MPZL3: variants seen among roughly 807,000 people sequenced by gnomAD.
The protein encoded by MPZL3 is myelin protein zero like 3.
MPZL3 carries 23 observed loss-of-function variants against 24.8 expected under a neutral mutation model. The observed-to-expected ratio is 0.93, with a 90% CI of 0.67 to 1.31. The LOEUF (loss-of-function observed/expected upper bound fraction) is 1.31. MPZL3 is among the 40% of genes most tolerant of loss of function. MPZL3 has a pLI of 0.00. For synonymous variants in MPZL3, 99 were observed against 106.5 expected (o/e 0.93, Z 0.44); for missense variants, 277 against 294.9 (o/e 0.94, Z 0.44).
intron 1 of MPZL3, among the ~76,000 whole-genome samples, chr11:118,251,971 T>C (rs1412134292): frequency 6.6e-6 from 1 of 152,174 alleles, no homozygotes; most frequent in Non-Finnish European, 1.5e-5. Flanking sequence ...CCATCAAGTA[T>C]GCTATCACCA....
At position 118,233,469 on chromosome 11, in the gene MPZL3, A is replaced by G; in HGVS notation, c.672T>C (p.Ala224=). 1.2e-6 allele frequency: 2 copies of G among 1,613,932 alleles called. No homozygotes were observed. Among genetic ancestry groups the G allele is most frequent in the South Asian group, 1.1e-5 (1 of 91,086 alleles). The change falls in exon 5 of 6, where the codon GCT becomes GCC. Residue 224 remains alanine, a synonymous_variant. Coordinates refer to ENST00000278949, the MANE Select transcript of MPZL3 (RefSeq NM_198275.3). ...AATGGCATGCACTTACCAGGCACTC[A>G]GCGCAACGGACACAAAGCCTCGCCA... ...ACMARLCVRC[A]ECLDSDYEET...
intron 1 of MPZL3, among the ~76,000 whole-genome samples, chr11:118,249,593 A>T (rs570240409): frequency 6.6e-6 from 1 of 152,240 alleles, no homozygotes; most frequent in South Asian, 2.1e-4. Flanking sequence ...ACATTTTCAC[A>T]TAAGTAATTT....
intron 5 of MPZL3, among the ~76,000 whole-genome samples, chr11:118,232,406 TGTGA>T (rs1178775502): frequency 6.6e-6 from 1 of 152,094 alleles, no homozygotes; most frequent in African/African-American, 2.4e-5. Flanking sequence ...TTAAAAACTT[TGTGA>T]GTATTTGTAC....
At chr11:118,235,690 T>C in intron 3 of MPZL3, 101 bp from the exon 4 acceptor site, 1 of 1,167,348 alleles carries the variant, frequency 8.6e-7, no homozygotes, top group Non-Finnish European at 1.2e-6. Context: ...TTTCTTCTGA[T>C]TACAAAAGTA....
In MPZL3 at chr11:118,240,359, GA is replaced by G; in HGVS notation, c.91del (p.Ser31ProfsTer20). The G allele has an allele frequency of 6.2e-7, 1 of 1,604,352 alleles. No individual in the cohort carries two copies. The highest frequency in any genetic ancestry group is 1.1e-5 in the South Asian group (1 of 88,986). Reference protein sequence around the residue: ...LFFQGVYIVFSLEIRADAHVR... With the variant: ...LFFQGVYIVFXLEIRADAHVR... ...ATGGGCATCTGCACGAATCTCCAAG[GA>G]AAAGACGATATAAACACCTAATCAA... On this transcript the variant is annotated frameshift_variant, in exon 2 of 6. Transcript: ENST00000278949. LOFTEE classifies it high-confidence loss of function.
In MPZL3 at chr11:118,228,359, A is replaced by G. The variant is rs1431749601; in HGVS notation, c.*1535T>C. 1 of 152,262 alleles carries G rather than the reference A, an allele frequency of 6.6e-6. No individual in the cohort carries two copies. Among genetic ancestry groups the G allele is most frequent in the African/African-American group, 2.4e-5 (1 of 41,464 alleles). 9.4% of individuals were successfully genotyped at this position (152,262 alleles called of 1,614,324 possible). On this transcript the variant is annotated 3_prime_UTR_variant, in exon 6 of 6. Coordinates refer to ENST00000278949, the MANE Select transcript of MPZL3 (RefSeq NM_198275.3). The stretch of plus-strand genomic sequence containing the variant: ...ATCATGAAAAGGGATCAACCTGTTG[A>G]AAGAATAGAGACAGGTGAGGGGATA...
chr11:118,248,384 T>C (rs2134717560), intron 1 of MPZL3, among the ~76,000 whole-genome samples: 1 of 152,266 alleles, frequency 6.6e-6, no homozygotes, highest in Admixed American at 6.5e-5. Context: ...GTTACTAAAT[T>C]ATAGTAAATT....
At chr11:118,240,137 C>A (rs180908019) in intron 2 of MPZL3, 74 bp downstream of exon 2, 5 of 1,400,832 alleles carry the variant, frequency 3.6e-6, no homozygotes, top group Admixed American at 2.9e-5. Flanking sequence ...TGGCCTCAGG[C>A]ATGCCTATGA....
At chr11:118,230,241 C>T (rs773644748) in intron 5 of MPZL3, among the ~76,000 whole-genome samples, 5 of 152,158 alleles carry the variant, frequency 3.3e-5, no homozygotes, top group Non-Finnish European at 7.4e-5. Flanking sequence ...ATCACCCCAG[C>T]GATCCTCTCC....
intron 4 of MPZL3, among the ~76,000 whole-genome samples, chr11:118,234,508 G>A (rs1010313831): frequency 5.3e-5 from 8 of 152,234 alleles, no homozygotes; most frequent in Non-Finnish European, 1.0e-4. Flanking sequence ...AAAAATATAC[G>A]AATGAAGTAT....
chr11:118,246,666 C>A (rs578235312), intron 1 of MPZL3, among the ~76,000 whole-genome samples: 1 of 145,192 alleles, frequency 6.9e-6, no homozygotes, highest in South Asian at 2.1e-4. Flanking sequence ...TTCATTGCAA[C>A]CTCTGCCTCC....
At chr11:118,240,797 GC>G in intron 1 of MPZL3, among the ~76,000 whole-genome samples, 1 of 145,338 alleles carries the variant, frequency 6.9e-6, no homozygotes, top group East Asian at 2.0e-4. Flanking sequence ...TGGGAATATG[GC>G]AGCTTTTGTG....
At chr11:118,238,725 G>T (rs1255843017) in intron 2 of MPZL3, among the ~76,000 whole-genome samples, 8 of 151,894 alleles carry the variant, frequency 5.3e-5, no homozygotes, top group Non-Finnish European at 1.2e-4. Flanking sequence ...GCTAGGCATT[G>T]TTAAGCAAAA....
At position 118,237,240 on chromosome 11, in the gene MPZL3, G is replaced by T. The variant is rs1443324349; in HGVS notation, c.261C>A (p.Phe87Leu). The change falls in exon 3 of 6, where the codon TTC becomes TTA. Residue 87 changes from phenylalanine (F) to leucine (L), a missense_variant. Phe to Leu is a conservative substitution (Grantham distance 22, BLOSUM62 0). Coordinates refer to ENST00000278949, the MANE Select transcript of MPZL3 (RefSeq NM_198275.3). Reference protein sequence around the residue: ...HTVSIFHYQSFQYPTTAGTFR... With the variant: ...HTVSIFHYQSLQYPTTAGTFR... ...ATGTGCCTGCTGTGGTTGGGTACTGGAAAGACTGATAATGAAATATCTAAG... is the reference window on the plus strand; with the variant it reads ...ATGTGCCTGCTGTGGTTGGGTACTGTAAAGACTGATAATGAAATATCTAAG... 1.9e-6 allele frequency: 3 copies of T among 1,614,018 alleles called. No individual in the cohort carries two copies. In the Admixed American group the frequency reaches 5.0e-5, roughly 27 times the overall value.
At chr11:118,244,904 G>C (rs556303558) in intron 1 of MPZL3, among the ~76,000 whole-genome samples, 1 of 152,050 alleles carries the variant, frequency 6.6e-6, no homozygotes, top group Non-Finnish European at 1.5e-5. Flanking sequence ...GTGAAACCCC[G>C]TCTCTACTAA....
intron 5 of MPZL3, among the ~76,000 whole-genome samples, chr11:118,231,157 C>A (rs1458310447): frequency 6.6e-6 from 1 of 152,186 alleles, no homozygotes; most frequent in Non-Finnish European, 1.5e-5. Flanking sequence ...ACTGAAGATC[C>A]TTTTGCCAAG....
Position 118,229,735 on chromosome 11 carries a change from C to G in MPZL3, c.*159G>C. The G allele has an allele frequency of 1.7e-6, 1 of 581,650 alleles. No homozygotes were observed. Among genetic ancestry groups the G allele is most frequent in the Non-Finnish European group, 3.0e-6 (1 of 334,160 alleles). 36.0% of individuals were successfully genotyped at this position (581,650 alleles called of 1,614,324 possible). On this transcript the variant is annotated 3_prime_UTR_variant, in exon 6 of 6. Transcript: ENST00000278949. ...TATAAATACAACAAGAACATTTATT[C>G]AATAAATAAGTGGTTCCTAAAGTCT... is the stretch of plus-strand genomic sequence containing the variant.
At chr11:118,240,064 T>C (rs1004009053) in intron 2 of MPZL3, 147 bp downstream of exon 2, 10 of 717,536 alleles carry the variant, frequency 1.4e-5, no homozygotes, top group African/African-American at 1.3e-4. Context: ...ATGAATGTCA[T>C]ATAGGATAAA....
At chr11:118,230,454 G>A (rs990805233) in intron 5 of MPZL3, among the ~76,000 whole-genome samples, 2 of 152,126 alleles carry the variant, frequency 1.3e-5, no homozygotes, top group African/African-American at 4.8e-5. Context: ...GGCAATATAT[G>A]TAAATTACTT....
Sources: allele counts gnomAD v4.1 joint callset (sites outside exome capture counted in the v4.1 genomes callset), GRCh38; gene constraint gnomAD v4.1.1; transcripts MANE v1.5; gene names NCBI Gene and HGNC (gene_info 2026-07-23, HGNC 2026-07-21).